CAMK4: variants seen among roughly 807,000 people sequenced by gnomAD.
CAMK4 encodes the protein calcium/calmodulin-dependent protein kinase type IV.
Under a neutral mutation model 44.9 loss-of-function variants are expected in CAMK4, and 22 were observed. The ratio of observed to expected loss-of-function variants is 0.49; its 90% CI spans 0.35 to 0.70. The LOEUF is 0.70. CAMK4 is among the 30% of genes least tolerant of loss of function. The pLI, the probability that CAMK4 is intolerant of heterozygous loss-of-function variation, is 0.01. For missense variants in CAMK4, 498 were observed against 586.8 expected (o/e 0.85, Z 1.56); for synonymous variants, 218 against 215.4 (o/e 1.01, Z -0.11).
intron 7 of CAMK4, among the ~76,000 whole-genome samples, chr5:111,455,626 A>G (rs1580776805): frequency 6.6e-6 from 1 of 152,224 alleles, no homozygotes; most frequent in African/African-American, 2.4e-5. Flanking sequence ...AAAACCACAC[A>G]TATATTGCTC....
intron 1 of CAMK4, among the ~76,000 whole-genome samples, chr5:111,319,747 A>T (rs547854545): frequency 9.8e-5 from 15 of 152,328 alleles, no homozygotes; most frequent in African/African-American, 3.6e-4. Flanking sequence ...GCTACCTTTA[A>T]CTGATTGTGG....
intron 3 of CAMK4, among the ~76,000 whole-genome samples, chr5:111,376,251 G>T (rs150401800): frequency 9.1e-4 from 138 of 151,678 alleles, no homozygotes; most frequent in Non-Finnish European, 1.6e-3. Flanking sequence ...CTAGATTCTC[G>T]TATATATGGA....
Position 111,402,847 on chromosome 5 carries a change from C to T in CAMK4, c.459+8065C>T, listed in dbSNP as rs905175528. 6.6e-5 allele frequency among the ~76,000 whole-genome samples: 10 copies of T among 152,144 alleles called. No individual in the cohort carries two copies. In the East Asian group the frequency reaches 1.5e-3, roughly 23 times the overall value. ...GCTATCTTGTAATTATGAAGAGAAA[C>T]ATAAGTCATCCTGAGGAAGGCAGGG... On this transcript the variant is annotated intron_variant, in intron 5 of 10. Transcript: ENST00000282356.
chr5:111,432,983 A>G (rs1753511935), intron 5 of CAMK4, among the ~76,000 whole-genome samples: 1 of 152,218 alleles, frequency 6.6e-6, no homozygotes, highest in Non-Finnish European at 1.5e-5. Context: ...ATATGATGAC[A>G]GCATTAAAAT....
intron 1 of CAMK4, among the ~76,000 whole-genome samples, chr5:111,243,271 G>A (rs1749084579): frequency 6.6e-6 from 1 of 152,170 alleles, no homozygotes; most frequent in Non-Finnish European, 1.5e-5. Flanking sequence ...GGAAACATCG[G>A]TGATATGGGG....
At chr5:111,300,484 TTG>T (rs1339372561) in intron 1 of CAMK4, among the ~76,000 whole-genome samples, 2 of 152,262 alleles carry the variant, frequency 1.3e-5, no homozygotes, top group Admixed American at 6.5e-5. Flanking sequence ...ATTGATTTTT[TTG>T]TGTCTAAGCT....
At chr5:111,475,642 C>T (rs1000830619) in intron 8 of CAMK4, among the ~76,000 whole-genome samples, 1 of 152,140 alleles carries the variant, frequency 6.6e-6, no homozygotes, top group African/African-American at 2.4e-5. Flanking sequence ...TGGTAGCCTC[C>T]AAAATGAAAA....
chr5:111,404,840 C>T (rs1752357866), intron 5 of CAMK4, among the ~76,000 whole-genome samples: 1 of 152,158 alleles, frequency 6.6e-6, no homozygotes, highest in African/African-American at 2.4e-5. Context: ...TTATTCTTAG[C>T]TTACACCATA....
chr5:111,296,044 T>C (rs537588105), intron 1 of CAMK4, among the ~76,000 whole-genome samples: 6 of 152,368 alleles, frequency 3.9e-5, no homozygotes, highest in South Asian at 4.1e-4. Flanking sequence ...AAATAACTTA[T>C]GTATTCTTTC....
At chr5:111,459,855 A>G (rs1339019126) in intron 7 of CAMK4, among the ~76,000 whole-genome samples, 3 of 151,920 alleles carry the variant, frequency 2.0e-5, no homozygotes, top group Non-Finnish European at 4.4e-5. Flanking sequence ...GGTGCCCGAG[A>G]CAGTCTTTTA....
intron 2 of CAMK4, among the ~76,000 whole-genome samples, chr5:111,350,182 G>A (rs528512044): frequency 5.3e-5 from 8 of 152,014 alleles, no homozygotes; most frequent in African/African-American, 1.9e-4. Context: ...AGGTCAGAGT[G>A]TTCTACTAAA....
At chr5:111,437,818 G>A (rs758413205) in intron 5 of CAMK4, among the ~76,000 whole-genome samples, 3 of 152,148 alleles carry the variant, frequency 2.0e-5, no homozygotes, top group Non-Finnish European at 2.9e-5. Context: ...GAGGAGCATA[G>A]GAACCAGATC....
chr5:111,367,204 G>T (rs1750824544), intron 2 of CAMK4, among the ~76,000 whole-genome samples: 1 of 150,276 alleles, frequency 6.7e-6, no homozygotes, highest in Non-Finnish European at 1.5e-5. Flanking sequence ...CTGGAAGGGG[G>T]TCATCCCATG....
rs868033416 is a variant in CAMK4, at chr5:111,316,400, T to C, written c.162-27624T>C. Among the ~76,000 whole-genome samples, 14 of 152,310 alleles carry C rather than the reference T, an allele frequency of 9.2e-5. No homozygotes were observed. The Middle Eastern group carries it at 0.014, about 148-fold the overall frequency. On this transcript the variant is annotated intron_variant, in intron 1 of 10. Coordinates refer to ENST00000282356, the MANE Select transcript of CAMK4 (RefSeq NM_001744.6). ...TTTGCCCAGGAGGCTTAGACTGACA[T>C]TTGCAAACATACTTTGAGTTGTAAC...
intron 2 of CAMK4, among the ~76,000 whole-genome samples, chr5:111,354,443 C>T (rs1234076527): frequency 7.5e-5 from 2 of 26,802 alleles, no homozygotes; most frequent in Non-Finnish European, 1.3e-4. Flanking sequence ...ATATTCTCAC[C>T]ACAAAAAAAA....
intron 4 of CAMK4, among the ~76,000 whole-genome samples, chr5:111,382,218 T>C (rs749028168): frequency 2.0e-5 from 3 of 152,130 alleles, no homozygotes; most frequent in Non-Finnish European, 4.4e-5. Flanking sequence ...TATTAATAGG[T>C]CATAAGACCT....
At chr5:111,390,735 A>G (rs1269575047) in intron 4 of CAMK4, among the ~76,000 whole-genome samples, 2 of 152,190 alleles carry the variant, frequency 1.3e-5, no homozygotes, top group African/African-American at 4.8e-5. Flanking sequence ...AGCTCTTCAT[A>G]AGACTAGACA....
rs190472982 is a variant in CAMK4, at chr5:111,329,071, A to G, written c.162-14953A>G. ...ATCCCTGGGTTGCAAGGCTGGTTCA[A>G]CATATGCAAATCAGTAAATGTAATC... On this transcript the variant is annotated intron_variant, in intron 1 of 10. Transcript: ENST00000282356. 1.2e-3 allele frequency among the ~76,000 whole-genome samples: 187 copies of G among 152,102 alleles called. 1 individual carries two copies. Among genetic ancestry groups the G allele is most frequent in the African/African-American group, 4.0e-3 (166 of 41,552 alleles).
chr5:111,383,239 G>A (rs960701411), intron 4 of CAMK4, among the ~76,000 whole-genome samples: 1 of 152,176 alleles, frequency 6.6e-6, no homozygotes, highest in African/African-American at 2.4e-5. Context: ...TCTAGAGTCA[G>A]ATAAACGGAT....
Sources: allele counts gnomAD v4.1 joint callset (sites outside exome capture counted in the v4.1 genomes callset), GRCh38; gene constraint gnomAD v4.1.1; transcripts MANE v1.5; gene names NCBI Gene and HGNC (gene_info 2026-07-23, HGNC 2026-07-21).